PXN: variants seen among roughly 807,000 people sequenced by gnomAD.
PXN encodes testicular tissue protein Li 134.
In PXN, 61 loss-of-function variants were observed where a neutral mutation model predicts 103.6. That is an observed-to-expected ratio of 0.59 (90% CI 0.48 to 0.73). PXN has a LOEUF of 0.73. Ranked by LOEUF, PXN falls within the 30% of genes least tolerant of loss-of-function variation. The pLI is 0.00. For missense variants in PXN, 1,274 were observed against 1,460.3 expected, an observed-to-expected ratio of 0.87 and a Z score of 2.08; for synonymous variants, 562 against 607.8, an observed-to-expected ratio of 0.92 and a Z score of 1.11.
chr12:120,215,907 C>T lies in PXN; in HGVS notation c.2302-246G>A, dbSNP rs368602124. 4.9e-5 allele frequency: 68 copies of T among 1,386,796 alleles called. No individual in the cohort carries two copies. Among genetic ancestry groups the T allele is most frequent in the East Asian group, 5.4e-5 (2 of 36,770 alleles). The allele number at this position is 1,386,796 out of a possible 1,614,324, so 85.9% of individuals were successfully genotyped here. On this transcript the variant is annotated intron_variant, in intron 9 of 14. Coordinates refer to ENST00000637617, the MANE Select transcript of PXN (RefSeq NM_001385981.1). This position sits in a 1 kb window ranked among gnomAD's most constrained non-coding sequence, Gnocchi z 4.9. ...AGAGGAAATGGCAAGGGGAGGTGGC[C>T]GGGCTCAGTGATGAGGCCTCACCGG...
chr12:120,255,720 TAAATA>T (rs1427670988), intron 1 of PXN, among the ~76,000 whole-genome samples: 2 of 150,420 alleles, frequency 1.3e-5, no homozygotes, highest in Non-Finnish European at 1.5e-5. Context: ...AATTTAAAAA[TAAATA>T]AAATAAAAAG....
rs1407819158 is a variant in PXN at position 120,221,025 on chromosome 12, G to T, written c.831+598C>A. Among the ~76,000 whole-genome samples the T allele has an allele frequency of 6.6e-6, 1 of 152,204 alleles. No individual in the cohort carries two copies. Among genetic ancestry groups the T allele is most frequent in the Non-Finnish European group, 1.5e-5 (1 of 68,042 alleles). On this transcript the variant is annotated intron_variant, in intron 6 of 14. Coordinates refer to ENST00000637617, the MANE Select transcript of PXN (RefSeq NM_001385981.1). The surrounding 1 kb of genome is among the most constrained non-coding windows in gnomAD (Gnocchi z 6.6). The stretch of plus-strand genomic sequence containing the variant: ...GGGGAGGCCCAGCAGGGGAGGGGAA[G>T]GGCAGGTACCTCGTGCAAGCCTGGC...
intron 1 of PXN, among the ~76,000 whole-genome samples, chr12:120,258,902 C>T (rs1335408417): frequency 6.7e-6 from 1 of 150,320 alleles, no homozygotes; most frequent in Non-Finnish European, 1.5e-5. Context: ...AACCTGGTTT[C>T]TACTAAAAAT....
chr12:120,215,096 T>A lies in PXN; in HGVS notation c.2574+7A>T. Reference sequence around the variant, plus strand: ...TGGCCACACCCCTGCCCACTCCCCCTCATCACCTGCCCGGCGATGGGCTTC... The same window carrying A: ...TGGCCACACCCCTGCCCACTCCCCCACATCACCTGCCCGGCGATGGGCTTC... On this transcript the variant is annotated splice_region_variant and intron_variant, in intron 11 of 14. Transcript: ENST00000637617. The surrounding 1 kb of genome is among the most constrained non-coding windows in gnomAD (Gnocchi z 4.9). 9 of 1,583,244 alleles carry A rather than the reference T, an allele frequency of 5.7e-6. No individual in the cohort carries two copies. Among genetic ancestry groups the A allele is most frequent in the Non-Finnish European group, 7.7e-6 (9 of 1,162,482 alleles).
rs759899131 is a variant in PXN at position 120,213,828 on chromosome 12, CAG to C, written c.2979+12_2979+13del. 2 of 1,606,662 alleles carry C rather than the reference CAG, an allele frequency of 1.2e-6. No individual in the cohort carries two copies. Among genetic ancestry groups the C allele is most frequent in the Non-Finnish European group, 8.5e-7 (1 of 1,176,722 alleles). On this transcript the variant is annotated intron_variant, in intron 14 of 14. Coordinates refer to ENST00000637617, the MANE Select transcript of PXN (RefSeq NM_001385981.1). This position sits in a 1 kb window ranked among gnomAD's most constrained non-coding sequence, Gnocchi z 4.2. The stretch of plus-strand genomic sequence containing the variant: ...TGCTCCTCGCCCCTCCAGATGTGGT[CAG>C]GGGCTCCTTACCCGGCACACAAAGC...
At chr12:120,248,999 T>C (rs1382397447) in intron 1 of PXN, among the ~76,000 whole-genome samples, 1 of 151,986 alleles carries the variant, frequency 6.6e-6, no homozygotes, top group African/African-American at 2.4e-5. Context: ...TAGTCAGATA[T>C]GGTGTTGGGC....
intron 1 of PXN, among the ~76,000 whole-genome samples, chr12:120,239,764 A>C (rs1393158980): frequency 6.6e-6 from 1 of 152,100 alleles, no homozygotes; most frequent in East Asian, 1.9e-4. Flanking sequence ...TAAATAAATA[A>C]ATAATAAATT....
rs532405210 is a variant in PXN, at chr12:120,216,821, C to T, written c.1992+20G>A. 2.6e-6 allele frequency: 4 copies of T among 1,553,274 alleles called. No individual in the cohort carries two copies. The African/African-American group carries it at 4.1e-5, about 16-fold the overall frequency. Reference sequence around the variant, plus strand: ...TGCTTGGCTCTGGCCCAGCCCCAGCCATGGGCATCTCCTCGCCACCTTCTC... The same window carrying T: ...TGCTTGGCTCTGGCCCAGCCCCAGCTATGGGCATCTCCTCGCCACCTTCTC... On this transcript the variant is annotated intron_variant, in intron 8 of 14. Transcript: ENST00000637617. This position sits in a 1 kb window ranked among gnomAD's most constrained non-coding sequence, Gnocchi z 5.1.
chr12:120,231,039 G>A (rs1479277226), intron 1 of PXN, among the ~76,000 whole-genome samples: 2 of 152,204 alleles, frequency 1.3e-5, no homozygotes, highest in Non-Finnish European at 2.9e-5. Flanking sequence ...TGAAGAGGAG[G>A]AGGATGGGGA....
In PXN at chr12:120,215,185, A is replaced by G; in HGVS notation, c.2492T>C (p.Leu831Pro). ...CCCCAGCTTGTTCAGGTCAGACTGC[A>G]GGCTCCCCAGCATGCTGTCCAGCTG... is the stretch of plus-strand genomic sequence containing the variant. ...GSQLDSMLGS[L>P]QSDLNKLGVA... Residue 831 changes from leucine (L) to proline (P), a missense_variant, in exon 11 of 15, where the codon CTG becomes CCG. Transcript: ENST00000637617. The surrounding 1 kb of genome is among the most constrained non-coding windows in gnomAD (Gnocchi z 4.9). The G allele has an allele frequency of 6.3e-7, 1 of 1,589,774 alleles. No individual in the cohort carries two copies.
intron 1 of PXN, chr12:120,226,207 G>A: frequency 8.0e-7 from 1 of 1,251,630 alleles, no homozygotes; most frequent in Non-Finnish European, 1.0e-6. Flanking sequence ...AATCAGCAAT[G>A]GGTGGATCCC....
chr12:120,249,871 C>T (rs1891865647), intron 1 of PXN: 3 of 985,410 alleles, frequency 3.0e-6, no homozygotes. Flanking sequence ...GCTATCCCAA[C>T]AGCTACCTCA....
At chr12:120,223,920 T>A in intron 2 of PXN, 87 bp from the exon 3 acceptor site, 1 of 1,075,484 alleles carries the variant, frequency 9.3e-7, no homozygotes, top group Non-Finnish European at 1.4e-6. Context: ...CCCAGGAGGC[T>A]CCTGCCCACA....
intron 1 of PXN, chr12:120,248,635 C>T (rs1566428186): frequency 6.6e-6 from 1 of 152,114 alleles, no homozygotes; most frequent in South Asian, 2.1e-4. Context: ...ACAATGTCAG[C>T]AAAGGGCTGT....
rs923526987 is a variant in PXN, at chr12:120,225,653, A to G, written c.14-1276T>C. 6.6e-6 allele frequency among the ~76,000 whole-genome samples: 1 copy of G among 152,000 alleles called. No homozygotes were observed. The highest frequency in any genetic ancestry group is 1.5e-5 in the Non-Finnish European group (1 of 68,006). The stretch of plus-strand genomic sequence containing the variant: ...TCCTCAGAAGCCCCAAACCCCAAAA[A>G]CCTGGCCTGTAAGAGGCCACTATGA... On this transcript the variant is annotated intron_variant, in intron 1 of 14. Coordinates refer to ENST00000637617, the MANE Select transcript of PXN (RefSeq NM_001385981.1). This position sits in a 1 kb window ranked among gnomAD's most constrained non-coding sequence, Gnocchi z 4.4.
Position 120,223,800 on chromosome 12 carries a change from C to T in PXN, c.274G>A (p.Ala92Thr). ...GGGTTGGAGACACTGGAAGTTTTGG[C>T]ACTGGAGCCGTACACAGGTGATGAG... ...QSSSPVYGSS[A>T]KTSSVSNPQD... Residue 92 changes from alanine (A) to threonine (T), a missense_variant, in exon 3 of 15, where the codon GCC (alanine) becomes ACC (threonine). Ala to Thr is a moderately conservative substitution (Grantham distance 58). Around this residue, in one of 2 missense-constraint regions of PXN, gnomAD observed 1,178 missense variants for 1,309.0 expected, o/e 0.90. Transcript: ENST00000637617. 2 of 1,609,506 alleles carry T rather than the reference C, an allele frequency of 1.2e-6. No homozygotes were observed. Among genetic ancestry groups the T allele is most frequent in the Admixed American group, 1.7e-5 (1 of 59,374 alleles).
chr12:120,235,334 G>C (rs993181522), intron 1 of PXN, among the ~76,000 whole-genome samples: 2 of 152,144 alleles, frequency 1.3e-5, no homozygotes, highest in Non-Finnish European at 2.9e-5. Context: ...CAGCTCAGGA[G>C]GGGGTGAGGA....
At position 120,212,034 on chromosome 12, in the gene PXN, C is replaced by T. The variant is rs1454007817; in HGVS notation, c.*280G>A. The stretch of plus-strand genomic sequence containing the variant: ...GGCCAGGCCAGTTCGTGGGGACGTA[C>T]ATGGGCTGGGGTGGAGCCCCCAGCC... On this transcript the variant is annotated 3_prime_UTR_variant, in exon 15 of 15. Coordinates refer to ENST00000637617, the MANE Select transcript of PXN (RefSeq NM_001385981.1). This position sits in a 1 kb window ranked among gnomAD's most constrained non-coding sequence, Gnocchi z 7.2. 1 of 680,760 alleles carries T rather than the reference C, an allele frequency of 1.5e-6. No individual in the cohort carries two copies. Among genetic ancestry groups the T allele is most frequent in the Non-Finnish European group, 2.7e-6 (1 of 364,444 alleles). 42.2% of individuals were successfully genotyped at this position (680,760 alleles called of 1,614,324 possible).
chr12:120,214,497 G>C lies in PXN; in HGVS notation c.2749-280C>G, dbSNP rs1391537884. 2.0e-5 allele frequency among the ~76,000 whole-genome samples: 3 copies of C among 152,214 alleles called. No individual in the cohort carries two copies. Among genetic ancestry groups the C allele is most frequent in the African/African-American group, 7.2e-5 (3 of 41,450 alleles). ...TTATAAGTGAAGAAACATAGGCTCA[G>C]AGAGGCCAGGCATTTCCTAAGTTCA... On this transcript the variant is annotated intron_variant, in intron 12 of 14. Transcript: ENST00000637617. The surrounding 1 kb of genome is among the most constrained non-coding windows in gnomAD (Gnocchi z 5.0).
Sources: allele counts gnomAD v4.1 joint callset (sites outside exome capture counted in the v4.1 genomes callset), GRCh38; gene constraint gnomAD v4.1.1; regional missense constraint gnomAD v4.1.1; non-coding constraint Gnocchi (gnomAD v3.1); transcripts MANE v1.5; gene names NCBI Gene and HGNC (gene_info 2026-07-23, HGNC 2026-07-21).